HPSE2: variants seen among roughly 807,000 people sequenced by gnomAD.
HPSE2 encodes the protein inactive heparanase-2.
HPSE2 carries 38 observed loss-of-function variants against 60.5 expected under a neutral mutation model. The ratio of observed to expected loss-of-function variants is 0.63; its 90% CI spans 0.48 to 0.82. The LOEUF (loss-of-function observed/expected upper bound fraction) is 0.82. HPSE2 is among the 40% of genes least tolerant of loss of function. The pLI, the probability that HPSE2 is intolerant of heterozygous loss-of-function variation, is 0.00. For synonymous variants in HPSE2, 295 were observed against 293.2 expected (o/e 1.01, Z -0.06); for missense variants, 713 against 740.4 (o/e 0.96, Z 0.43).
chr10:99,165,026 T>G (rs1056255178), intron 2 of HPSE2, among the ~76,000 whole-genome samples: 4 of 131,842 alleles, frequency 3.0e-5, no homozygotes, highest in African/African-American at 1.2e-4. Context: ...AAGGTTGCAG[T>G]GAGCCAAGAT....
intron 2 of HPSE2, among the ~76,000 whole-genome samples, chr10:99,225,820 T>C (rs1849454234): frequency 6.6e-6 from 1 of 152,044 alleles, no homozygotes; most frequent in South Asian, 2.1e-4. Context: ...CATAATCTGA[T>C]CTGGATTTAC....
intron 3 of HPSE2, among the ~76,000 whole-genome samples, chr10:99,063,986 A>C (rs1388139157): frequency 6.6e-6 from 1 of 152,086 alleles, no homozygotes; most frequent in Non-Finnish European, 1.5e-5. Context: ...CCAGCTACTC[A>C]GGAAGCTGAG....
chr10:99,141,253 C>T (rs955842288), intron 3 of HPSE2, among the ~76,000 whole-genome samples: 2 of 152,070 alleles, frequency 1.3e-5, no homozygotes, highest in African/African-American at 4.8e-5. Flanking sequence ...CAAGAAACTG[C>T]AGGACAAACA....
At chr10:99,225,441 T>C (rs770628560) in intron 2 of HPSE2, among the ~76,000 whole-genome samples, 3 of 152,086 alleles carry the variant, frequency 2.0e-5, no homozygotes, top group African/African-American at 7.2e-5. Context: ...TAAATGATTA[T>C]AAAATACTAG....
At chr10:98,935,015 G>A (rs1478428471) in intron 3 of HPSE2, among the ~76,000 whole-genome samples, 2 of 141,856 alleles carry the variant, frequency 1.4e-5, no homozygotes, top group African/African-American at 5.8e-5. Context: ...TTGTCTGCCT[G>A]CCTTATTTCA....
intron 3 of HPSE2, among the ~76,000 whole-genome samples, chr10:99,016,626 G>A (rs1957148445): frequency 6.6e-6 from 1 of 152,092 alleles, no homozygotes; most frequent in Non-Finnish European, 1.5e-5. Flanking sequence ...TCGGCAATAT[G>A]GCCATTTTAA....
intron 5 of HPSE2, among the ~76,000 whole-genome samples, chr10:98,707,524 C>A (rs1948576471): frequency 1.3e-5 from 2 of 151,916 alleles, no homozygotes; most frequent in Non-Finnish European, 2.9e-5. Context: ...ACTAAAGGAA[C>A]ATTATATAAA....
At chr10:98,832,771 T>C (rs1951712030) in intron 3 of HPSE2, among the ~76,000 whole-genome samples, 1 of 152,140 alleles carries the variant, frequency 6.6e-6, no homozygotes, top group South Asian at 2.1e-4. Context: ...AAGAAATGTG[T>C]ATATTAGGTG....
chr10:99,087,658 A>G (rs1159842888), intron 3 of HPSE2, among the ~76,000 whole-genome samples: 1 of 152,124 alleles, frequency 6.6e-6, no homozygotes, highest in Non-Finnish European at 1.5e-5. Flanking sequence ...AAAGAATGAG[A>G]TTTCATGTCC....
chr10:99,117,331 A>C (rs186243352), intron 3 of HPSE2, among the ~76,000 whole-genome samples: 1 of 150,532 alleles, frequency 6.6e-6, no homozygotes, highest in Non-Finnish European at 1.5e-5. Context: ...AGAAGACAAG[A>C]AATAACCAAA....
At chr10:98,926,707 A>C (rs1954475070) in intron 3 of HPSE2, among the ~76,000 whole-genome samples, 1 of 152,246 alleles carries the variant, frequency 6.6e-6, no homozygotes, top group African/African-American at 2.4e-5. Context: ...ACAAGGTAAA[A>C]AAATTTTAAA....
intron 3 of HPSE2, among the ~76,000 whole-genome samples, chr10:98,985,269 T>C (rs1237854689): frequency 2.0e-5 from 3 of 152,056 alleles, no homozygotes; most frequent in South Asian, 2.1e-4. Flanking sequence ...CAAAGGGAAG[T>C]CCATCAGACT....
At chr10:98,904,848 G>C (rs546907372) in intron 3 of HPSE2, among the ~76,000 whole-genome samples, 11 of 152,160 alleles carry the variant, frequency 7.2e-5, no homozygotes, top group African/African-American at 2.6e-4. Flanking sequence ...AAATTGTCTG[G>C]ACAAACAATT....
At chr10:98,780,716 A>C (rs1950446199) in intron 3 of HPSE2, among the ~76,000 whole-genome samples, 1 of 152,150 alleles carries the variant, frequency 6.6e-6, no homozygotes, top group African/African-American at 2.4e-5. Context: ...AATAGGAAGG[A>C]AGTTGTGAGT....
chr10:98,574,482 G>A (rs605591), intron 9 of HPSE2, among the ~76,000 whole-genome samples: 129,273 of 152,168 alleles, frequency 0.85, 56,180 homozygotes, highest in East Asian at 1. Flanking sequence ...AACAGTAGAA[G>A]TAAGAGAAAG....
intron 3 of HPSE2, among the ~76,000 whole-genome samples, chr10:99,011,915 A>C (rs1409169339): frequency 6.6e-6 from 1 of 152,054 alleles, no homozygotes; most frequent in Non-Finnish European, 1.5e-5. Flanking sequence ...CAATGTATTT[A>C]TATTACAGAA....
intron 9 of HPSE2, among the ~76,000 whole-genome samples, chr10:98,560,929 TATG>T (rs1452044319): frequency 1.3e-5 from 2 of 152,244 alleles, no homozygotes; most frequent in Non-Finnish European, 2.9e-5. Context: ...TAATATTTGA[TATG>T]ATAATAAATG....
intron 6 of HPSE2, among the ~76,000 whole-genome samples, chr10:98,646,549 T>C (rs1198676497): frequency 1.3e-5 from 2 of 152,184 alleles, no homozygotes; most frequent in African/African-American, 4.8e-5. Context: ...ACTTTTGTAT[T>C]AATACATCAT....
intron 3 of HPSE2, among the ~76,000 whole-genome samples, chr10:98,928,849 G>A (rs28457168): frequency 1.2e-5 from 1 of 84,362 alleles, no homozygotes; most frequent in Admixed American, 1.7e-4. Flanking sequence ...GGGGTGGGGG[G>A]AGGGGGGAGG....
Sources: allele counts gnomAD v4.1 joint callset (sites outside exome capture counted in the v4.1 genomes callset), GRCh38; gene constraint gnomAD v4.1.1; transcripts MANE v1.5; gene names NCBI Gene and HGNC (gene_info 2026-07-23, HGNC 2026-07-21).